Variants in UBE2D3 observed in about 807,000 individuals in gnomAD.
UBE2D3 encodes ubiquitin conjugating enzyme E2 D3.
UBE2D3 carries 2 observed loss-of-function variants against 22.8 expected under a neutral mutation model. The ratio of observed to expected loss-of-function variants is 0.09; its 90% CI spans 0.04 to 0.28. The LOEUF is 0.28. UBE2D3 is among the 10% of genes least tolerant of loss of function. The pLI is 1.00. For missense variants in UBE2D3, 27 were observed against 182.5 expected (o/e 0.15, Z 4.91); for synonymous variants, 56 against 60.4 (o/e 0.93, Z 0.34).
rs1179065633 is a variant in UBE2D3 at position 102,794,797 on chromosome 4, A to G, written c.*2618T>C. ...CAGTTTTAAAAAATCTGATTATCACATTGCAAACTCGCCCAGGAAAAACAA... is the reference window on the plus strand; with the variant it reads ...CAGTTTTAAAAAATCTGATTATCACGTTGCAAACTCGCCCAGGAAAAACAA... On this transcript the variant is annotated 3_prime_UTR_variant, in exon 8 of 8. Coordinates refer to ENST00000453744, the MANE Select transcript of UBE2D3 (RefSeq NM_181891.3). 2.0e-5 allele frequency: 3 copies of G among 152,098 alleles called. No individual in the cohort carries two copies. The highest frequency in any genetic ancestry group is 7.2e-5 in the African/African-American group (3 of 41,442). 9.4% of individuals were successfully genotyped at this position (152,098 alleles called of 1,614,324 possible). A position where few individuals can be genotyped will look rare whatever the true frequency, so the allele number is the denominator to read the frequency against.
At chr4:102,859,317 C>T (rs1336970461) in intron 1 of UBE2D3, among the ~76,000 whole-genome samples, 1 of 151,932 alleles carries the variant, frequency 6.6e-6, no homozygotes, top group Admixed American at 6.6e-5. Context: ...AAGTTGCTTT[C>T]CTCTGCTGCT....
intron 1 of UBE2D3, among the ~76,000 whole-genome samples, chr4:102,842,349 G>C (rs1191667300): frequency 6.6e-6 from 1 of 151,804 alleles, no homozygotes; most frequent in Non-Finnish European, 1.5e-5. Flanking sequence ...CCAGGAGTTT[G>C]AGACCAGCCT....
At chr4:102,853,757 A>C (rs945674259) in intron 1 of UBE2D3, among the ~76,000 whole-genome samples, 1 of 152,214 alleles carries the variant, frequency 6.6e-6, no homozygotes, top group African/African-American at 2.4e-5. Flanking sequence ...GTCTCTCTCT[A>C]CACATACAGT....
chr4:102,841,148 T>A (rs894774245), intron 1 of UBE2D3, among the ~76,000 whole-genome samples: 1 of 152,198 alleles, frequency 6.6e-6, no homozygotes, highest in Admixed American at 6.5e-5. Context: ...GATGGAACTT[T>A]AGTGGATACA....
At chr4:102,827,996 C>G, upstream of UBE2D3, 1 of 985,458 alleles carries the variant, frequency 1.0e-6, no homozygotes, top group Non-Finnish European at 1.2e-6. Flanking sequence ...CTAACCGAAG[C>G]GGTAGCTCTG....
chr4:102,865,624 C>T (rs531120186), intron 1 of UBE2D3, among the ~76,000 whole-genome samples: 6 of 151,896 alleles, frequency 4.0e-5, no homozygotes, highest in African/African-American at 1.4e-4. Context: ...ACCAATAGCA[C>T]AGTGGGCAAA....
At chr4:102,798,556 AGT>A (rs1322541696) in intron 7 of UBE2D3, among the ~76,000 whole-genome samples, 2 of 151,646 alleles carry the variant, frequency 1.3e-5, no homozygotes, top group Non-Finnish European at 2.9e-5. Flanking sequence ...TAGGCTTAAA[AGT>A]GTTTTTCCCT....
chr4:102,827,013 A>G, intron 1 of UBE2D3: 5 of 994,178 alleles, frequency 5.0e-6, no homozygotes, highest in Non-Finnish European at 6.0e-6. Context: ...AAGACTCCGG[A>G]CGGACGCCGG....
intron 2 of UBE2D3, among the ~76,000 whole-genome samples, chr4:102,824,686 A>C (rs1371829309): frequency 6.6e-6 from 1 of 152,252 alleles, no homozygotes; most frequent in Non-Finnish European, 1.5e-5. Flanking sequence ...AAAAAAAATC[A>C]GAGGCCTTCC....
intron 2 of UBE2D3, among the ~76,000 whole-genome samples, chr4:102,813,668 C>T (rs1376397813): frequency 6.6e-6 from 1 of 152,144 alleles, no homozygotes; most frequent in Non-Finnish European, 1.5e-5. Context: ...TGAGAGCACT[C>T]CTGGAACAGA....
At position 102,837,902 on chromosome 4, in the gene UBE2D3, C is replaced by T. The variant is rs368212015; in HGVS notation, c.-128-11266G>A. 6.4e-4 allele frequency among the ~76,000 whole-genome samples: 98 copies of T among 152,208 alleles called. 1 individual carries two copies. The Middle Eastern group carries it at 0.017, about 26-fold the overall frequency. On this transcript the variant is annotated intron_variant, in intron 1 of 7. Coordinates refer to the UBE2D3 transcript ENST00000338145. Reference sequence around the variant, plus strand: ...CCGGGAGGCGGAGCTTGCAGTGAGCCGAGATTGCGCCACTGCACTCAAGCC... The same window carrying T: ...CCGGGAGGCGGAGCTTGCAGTGAGCTGAGATTGCGCCACTGCACTCAAGCC...
At chr4:102,843,375 G>C (rs1370725947) in intron 1 of UBE2D3, 1 of 151,814 alleles carries the variant, frequency 6.6e-6, no homozygotes, top group African/African-American at 2.4e-5. Context: ...CCTGACCATG[G>C]GACATCAAGT....
intron 1 of UBE2D3, chr4:102,826,950 C>T: frequency 1.0e-6 from 1 of 1,003,418 alleles, no homozygotes; most frequent in Non-Finnish European, 1.2e-6. Flanking sequence ...GCCTAGTCGG[C>T]GCTATACCGG....
intron 2 of UBE2D3, among the ~76,000 whole-genome samples, chr4:102,817,960 C>T (rs548292488): frequency 3.3e-5 from 5 of 152,114 alleles, no homozygotes; most frequent in Admixed American, 1.3e-4. Context: ...AAAAATTACA[C>T]AATTGAAATT....
At chr4:102,834,363 G>T (rs1331975402) in intron 1 of UBE2D3, among the ~76,000 whole-genome samples, 1 of 152,116 alleles carries the variant, frequency 6.6e-6, no homozygotes, top group Non-Finnish European at 1.5e-5. Flanking sequence ...ATGGGTAAAG[G>T]ATTAAAAAAC....
intron 2 of UBE2D3, 119 bp downstream of exon 2, chr4:102,826,366 G>T (rs78125598): frequency 3.9e-6 from 5 of 1,285,338 alleles, no homozygotes; most frequent in Non-Finnish European, 4.4e-6. Context: ...ATCCCCCCAT[G>T]GAAGAAGTGA....
intron 1 of UBE2D3, among the ~76,000 whole-genome samples, chr4:102,834,732 G>A (rs1250548140): frequency 4.0e-5 from 6 of 151,226 alleles, no homozygotes; most frequent in Non-Finnish European, 7.4e-5. Context: ...CTGGATGACA[G>A]AGTGAGACCC....
At chr4:102,809,516 C>A in intron 4 of UBE2D3, 156 bp downstream of exon 4, 1 of 783,514 alleles carries the variant, frequency 1.3e-6, no homozygotes, top group South Asian at 1.9e-5. Context: ...ATGACTAACT[C>A]ATTATGTTTT....
At chr4:102,867,113 G>C (rs144824940) in intron 1 of UBE2D3, among the ~76,000 whole-genome samples, 1 of 152,148 alleles carries the variant, frequency 6.6e-6, no homozygotes, top group Non-Finnish European at 1.5e-5. Flanking sequence ...AATTTCCATT[G>C]TAAGTTTTAC....
Sources: allele counts gnomAD v4.1 joint callset (sites outside exome capture counted in the v4.1 genomes callset), GRCh38; gene constraint gnomAD v4.1.1; transcripts MANE v1.5; gene names NCBI Gene and HGNC (gene_info 2026-07-23, HGNC 2026-07-21).